Variants in PLEKHG1 observed in about 807,000 individuals in gnomAD.
PLEKHG1 encodes the protein pleckstrin homology and RhoGEF domain containing G1.
A neutral mutation model predicts 100.8 loss-of-function variants in PLEKHG1; 44 were observed. That is an observed-to-expected ratio of 0.44 (90% CI 0.34 to 0.56). The LOEUF (loss-of-function observed/expected upper bound fraction) is 0.56. PLEKHG1 is among the 20% of genes least tolerant of loss of function. The pLI is 0.01. For synonymous variants in PLEKHG1, 640 were observed against 662.5 expected (o/e 0.97, Z 0.52); for missense variants, 1,545 against 1,720.9 (o/e 0.90, Z 1.81).
chr6:150,839,625 T>G (rs528530137), intron 15 of PLEKHG1, among the ~76,000 whole-genome samples: 1 of 152,336 alleles, frequency 6.6e-6, no homozygotes, highest in African/African-American at 2.4e-5. Context: ...AAATGAACTT[T>G]TAGGTGGCAT....
In PLEKHG1 at chr6:150,703,962, T is replaced by G. The variant is rs566062451; in HGVS notation, c.-98-29622T>G. Among the ~76,000 whole-genome samples the G allele has an allele frequency of 2.6e-5, 4 of 152,372 alleles. No individual in the cohort carries two copies. The South Asian group carries it at 8.3e-4, about 32-fold the overall frequency. On this transcript the variant is annotated intron_variant, in intron 3 of 3. Transcript: ENST00000367326. ...TTATCCCTGACAATGGAACTAATTT[T>G]AAGTCTTTTCAGTTTGACATAGTAG...
At chr6:150,800,530 G>A (rs1225848734) in intron 5 of PLEKHG1, among the ~76,000 whole-genome samples, 189 bp from the exon 7 acceptor site, 4 of 152,154 alleles carry the variant, frequency 2.6e-5, no homozygotes, top group Non-Finnish European at 5.9e-5. Context: ...CAGTGGGTCC[G>A]GTGCCTTTTT....
At chr6:150,809,556 C>T (rs368515789) in intron 9 of PLEKHG1, 80 bp downstream of exon 10, 7 of 1,482,020 alleles carry the variant, frequency 4.7e-6, no homozygotes, top group African/African-American at 4.2e-5. Context: ...TTTTTGAGAG[C>T]GTTCTGGCCA....
chr6:150,744,573 T>C (rs1216617401), intron 2 of PLEKHG1, among the ~76,000 whole-genome samples: 1 of 152,224 alleles, frequency 6.6e-6, no homozygotes, highest in African/African-American at 2.4e-5. Flanking sequence ...GCTCACATCT[T>C]TTCAGAGGTG....
At chr6:150,797,851 AAAAAAAAAAAAAAAAAAAAG>A (rs1786443220) in intron 5 of PLEKHG1, among the ~76,000 whole-genome samples, 1 of 144,862 alleles carries the variant, frequency 6.9e-6, no homozygotes, top group Admixed American at 6.9e-5. Context: ...AAAAAAAAAA[AAAAAAAAAAAAAAAAAAAAG>A]ACCCAAGAAG....
chr6:150,678,063 CATATATATATATATATATAT>C lies in PLEKHG1; in HGVS notation c.-99+27298_-99+27317del, dbSNP rs201616866. ...TGGGATACAATGTGATGTTTTGATG[CATATATATATATATATATAT>C]ATATATATATATATATATATGTTGT... On this transcript the variant is annotated intron_variant, in intron 3 of 3. Transcript: ENST00000367326. Among the ~76,000 whole-genome samples, 413 of 60,128 alleles carry C rather than the reference CATATATATATATATATATAT, an allele frequency of 6.9e-3. 4 individuals are homozygous for C. The highest frequency in any genetic ancestry group is 0.014 in the East Asian group (20 of 1,462). The allele number at this position is 60,128 out of a possible 152,430, so 39.4% of individuals were successfully genotyped here. A position where few individuals can be genotyped will look rare whatever the true frequency, so the allele number is the denominator to read the frequency against.
chr6:150,719,082 C>T (rs533008465), upstream of PLEKHG1, among the ~76,000 whole-genome samples: 28 of 152,246 alleles, frequency 1.8e-4, no homozygotes, highest in South Asian at 2.7e-3. Flanking sequence ...GCAGAAACCG[C>T]GGATGAACTA....
chr6:150,812,421 G>C (rs1277314248), intron 10 of PLEKHG1, among the ~76,000 whole-genome samples: 1 of 152,190 alleles, frequency 6.6e-6, no homozygotes, highest in Non-Finnish European at 1.5e-5. Flanking sequence ...TGTCTGAGGA[G>C]AAGGCACTGC....
intron 15 of PLEKHG1, among the ~76,000 whole-genome samples, chr6:150,832,683 T>TTC (rs1293753810): frequency 6.9e-6 from 1 of 145,882 alleles, no homozygotes; most frequent in East Asian, 2.0e-4. Flanking sequence ...TTTGCATACT[T>TTC]TTTTTTTTTT....
intron 2 of PLEKHG1, among the ~76,000 whole-genome samples, chr6:150,647,526 C>G (rs1452180219): frequency 3.3e-5 from 5 of 152,144 alleles, no homozygotes; most frequent in Non-Finnish European, 5.9e-5. Context: ...TTATTTTAAA[C>G]ATCACCTTGC....
chr6:150,681,421 G>T (rs1262327212), intron 3 of PLEKHG1, among the ~76,000 whole-genome samples: 1 of 151,624 alleles, frequency 6.6e-6, no homozygotes, highest in African/African-American at 2.4e-5. Context: ...CTGAGACAGA[G>T]GAATCACTTG....
intron 1 of PLEKHG1, among the ~76,000 whole-genome samples, chr6:150,615,929 T>G (rs9480497): frequency 0.079 from 12,094 of 152,260 alleles, 551 homozygotes; most frequent in Non-Finnish European, 0.1. Context: ...CAGAGGCTTG[T>G]CATATGTTTA....
intron 4 of PLEKHG1, among the ~76,000 whole-genome samples, chr6:150,790,238 G>A (rs1269229730): frequency 2.6e-5 from 4 of 152,132 alleles, no homozygotes; most frequent in African/African-American, 9.7e-5. Flanking sequence ...TGTTGGTCAG[G>A]CTGGTCTTGA....
chr6:150,772,247 G>A (rs1784747835), intron 3 of PLEKHG1, among the ~76,000 whole-genome samples: 1 of 152,230 alleles, frequency 6.6e-6, no homozygotes, highest in Non-Finnish European at 1.5e-5. Flanking sequence ...GCTCAGGGAA[G>A]CCAGTGTAAC....
chr6:150,703,608 A>AAAC (rs1438077625), intron 3 of PLEKHG1, among the ~76,000 whole-genome samples: 1 of 148,884 alleles, frequency 6.7e-6, no homozygotes, highest in African/African-American at 2.5e-5. Flanking sequence ...CTTAAAAAAA[A>AAAC]AAAAAACAAA....
chr6:150,712,358 T>C (rs1238295044), intron 3 of PLEKHG1, among the ~76,000 whole-genome samples: 1 of 152,112 alleles, frequency 6.6e-6, no homozygotes, highest in East Asian at 1.9e-4. Flanking sequence ...CTGGGAAAGA[T>C]TGGGCTGGGG....
At chr6:150,604,177 T>C (rs1776489930) in intron 1 of PLEKHG1, among the ~76,000 whole-genome samples, 1 of 152,230 alleles carries the variant, frequency 6.6e-6, no homozygotes, top group Non-Finnish European at 1.5e-5. Context: ...GCTAAAACTT[T>C]AGTATTCTCA....
At chr6:150,753,903 C>T (rs1227895848) in intron 2 of PLEKHG1, among the ~76,000 whole-genome samples, 1 of 152,228 alleles carries the variant, frequency 6.6e-6, no homozygotes, top group Non-Finnish European at 1.5e-5. Flanking sequence ...GCACCGTTAA[C>T]CCTTGCCTTC....
At chr6:150,678,284 C>T (rs1332551445) in intron 3 of PLEKHG1, among the ~76,000 whole-genome samples, 1 of 151,866 alleles carries the variant, frequency 6.6e-6, no homozygotes, top group Admixed American at 6.6e-5. Context: ...CAACATCTCT[C>T]CTTGCCCACC....
Sources: gnomAD v4.1 joint callset for allele counts (sites outside exome capture counted in the v4.1 genomes callset) on GRCh38, gnomAD v4.1.1 for gene constraint, MANE v1.5 for transcripts, NCBI Gene and HGNC (gene_info 2026-07-23, HGNC 2026-07-21) for gene names.